The following ANKRD30B variants were observed in gnomAD, a reference collection of about 807,000 sequenced individuals.
The protein encoded by ANKRD30B is ankyrin repeat domain-containing protein 30B.
ANKRD30B carries 144 observed loss-of-function variants against 202.2 expected under a neutral mutation model. The ratio of observed to expected loss-of-function variants is 0.71; its 90% CI spans 0.62 to 0.82. The LOEUF (loss-of-function observed/expected upper bound fraction) is 0.82, where lower values mean the gene tolerates loss of function less well. Among genes scored for constraint, ANKRD30B ranks in the 40% least tolerant of loss-of-function variants. The pLI is 0.00. For synonymous variants in ANKRD30B, 508 were observed against 561.3 expected, an observed-to-expected ratio of 0.91 and a Z score of 1.34; for missense variants, 1,487 against 1,669.1, an observed-to-expected ratio of 0.89 and a Z score of 1.90.
the ANKRD30B span, among the ~76,000 whole-genome samples, chr18:14,885,146 G>C: frequency 2.0e-5 from 3 of 152,084 alleles, no homozygotes; most frequent in Non-Finnish European, 4.4e-5. Context: ...GATGTATTCT[G>C]ATTGGCCAGT....
At chr18:14,792,746 A>G (rs1367611003) in intron 16 of ANKRD30B, among the ~76,000 whole-genome samples, 10 of 134,562 alleles carry the variant, frequency 7.4e-5, no homozygotes, top group East Asian at 2.2e-4. Context: ...ATATATATAT[A>G]TATGTATATA....
Position 14,748,354 on chromosome 18 carries a change from C to G in ANKRD30B, c.-66C>G, listed in dbSNP as rs1912803575. The G allele has an allele frequency of 5.4e-6, 7 of 1,300,954 alleles. No individual in the cohort carries two copies. The highest frequency in any genetic ancestry group is 3.1e-5 in the African/African-American group (2 of 63,746). The allele number at this position is 1,300,954 out of a possible 1,614,324, so 80.6% of individuals were successfully genotyped here. A position where few individuals can be genotyped will look rare whatever the true frequency, so the allele number is the denominator to read the frequency against. On this transcript the variant is annotated 5_prime_UTR_variant, in exon 1 of 44. Coordinates refer to ENST00000690538, the MANE Select transcript of ANKRD30B (RefSeq NM_001367607.2). ...GGGAAGGGTAAGCGGGAAGCGAGGG[C>G]GAGGGGTAGGGGCTGGGGAAGGGCG...
chr18:14,931,199 A>T, the ANKRD30B span, among the ~76,000 whole-genome samples: 1 of 152,296 alleles, frequency 6.6e-6, no homozygotes, highest in African/African-American at 2.4e-5. Flanking sequence ...ATGACAGCTC[A>T]CCATTGACTC....
At chr18:14,868,734 C>T in the ANKRD30B span, among the ~76,000 whole-genome samples, 1 of 152,292 alleles carries the variant, frequency 6.6e-6, no homozygotes, top group African/African-American at 2.4e-5. Flanking sequence ...CCCACTTCTT[C>T]AGCCCACCTG....
chr18:14,837,959 G>A (rs1244085011), intron 36 of ANKRD30B, among the ~76,000 whole-genome samples: 1 of 152,078 alleles, frequency 6.6e-6, no homozygotes, highest in Non-Finnish European at 1.5e-5. Context: ...GAGCTTGCAG[G>A]GAGCCCAGAT....
intron 30 of ANKRD30B, among the ~76,000 whole-genome samples, chr18:14,815,870 T>C (rs1489621769): frequency 1.3e-5 from 2 of 152,180 alleles, no homozygotes; most frequent in African/African-American, 4.8e-5. Flanking sequence ...TTGAGATGGC[T>C]AAGCTACAAA....
At chr18:14,756,389 G>A (rs1365999781) in intron 4 of ANKRD30B, among the ~76,000 whole-genome samples, 3 of 152,112 alleles carry the variant, frequency 2.0e-5, no homozygotes, top group African/African-American at 7.2e-5. Flanking sequence ...CTTTTGCTGT[G>A]CAGAAGCTCT....
At chr18:14,831,315 T>C (rs1970928130) in intron 33 of ANKRD30B, 68 bp from the exon 34 acceptor site, 32 of 1,097,988 alleles carry the variant, frequency 2.9e-5, no homozygotes, top group Non-Finnish European at 4.0e-5. Context: ...AGCACTAAGA[T>C]ATGAACTGGC....
At chr18:14,784,439 C>A (rs748416609) in intron 13 of ANKRD30B, 24 bp from the exon 14 acceptor site, 9 of 1,612,652 alleles carry the variant, frequency 5.6e-6, no homozygotes, top group Non-Finnish European at 7.6e-6. Context: ...CTTTATTGAT[C>A]ATTTTTCTTC....
At chr18:14,844,982 G>T (rs556981863) in intron 39 of ANKRD30B, among the ~76,000 whole-genome samples, 3 of 151,858 alleles carry the variant, frequency 2.0e-5, no homozygotes, top group Non-Finnish European at 4.4e-5. Flanking sequence ...TCTGGATTTA[G>T]CCCTTTGTCA....
intron 30 of ANKRD30B, among the ~76,000 whole-genome samples, chr18:14,820,768 T>A (rs1970373235): frequency 6.6e-6 from 1 of 152,152 alleles, no homozygotes; most frequent in African/African-American, 2.4e-5. Flanking sequence ...ATTTTGCCAG[T>A]ATTTTATTGA....
At chr18:14,853,604 G>A (rs1971978174) in intron 42 of ANKRD30B, among the ~76,000 whole-genome samples, 1 of 151,206 alleles carries the variant, frequency 6.6e-6, no homozygotes, top group Non-Finnish European at 1.5e-5. Flanking sequence ...GAAATTACCA[G>A]TGAGATGAAT....
the ANKRD30B span, among the ~76,000 whole-genome samples, chr18:14,904,326 G>A: frequency 6.6e-6 from 1 of 152,248 alleles, no homozygotes; most frequent in Non-Finnish European, 1.5e-5. Flanking sequence ...ATGGGAATGA[G>A]CCTGGCTCCT....
the ANKRD30B span, among the ~76,000 whole-genome samples, chr18:14,869,896 C>G: frequency 2.0e-5 from 3 of 151,794 alleles, no homozygotes; most frequent in African/African-American, 7.3e-5. Context: ...GTGCAGTGGC[C>G]TGACCTTGGC....
chr18:14,826,693 T>TCTCTCTCTCA (rs762792279), intron 32 of ANKRD30B, among the ~76,000 whole-genome samples: 3 of 124,968 alleles, frequency 2.4e-5, no homozygotes, highest in Admixed American at 9.0e-5. Flanking sequence ...TCTCTCTCTC[T>TCTCTCTCTCA]CACACACACA....
At chr18:14,939,789 G>A in the ANKRD30B span, among the ~76,000 whole-genome samples, 1 of 152,214 alleles carries the variant, frequency 6.6e-6, no homozygotes. Flanking sequence ...AAAGCTGAGT[G>A]GCAGATAAAG....
chr18:14,890,636 T>C, the ANKRD30B span, among the ~76,000 whole-genome samples: 2 of 150,244 alleles, frequency 1.3e-5, no homozygotes, highest in Non-Finnish European at 3.0e-5. Flanking sequence ...ATATAATTAC[T>C]TTTCTATTTG....
the ANKRD30B span, among the ~76,000 whole-genome samples, chr18:14,887,259 C>T: frequency 0.017 from 2,582 of 152,106 alleles, 79 homozygotes; most frequent in African/African-American, 0.059. Context: ...CCCCTTATTC[C>T]TAACTGTATC....
chr18:14,940,962 T>C, the ANKRD30B span, among the ~76,000 whole-genome samples: 5 of 152,032 alleles, frequency 3.3e-5, no homozygotes. Context: ...GAAACTCAAA[T>C]AGAGCTCCCC....
Sources: gnomAD v4.1 joint callset for allele counts (sites outside exome capture counted in the v4.1 genomes callset) on GRCh38, gnomAD v4.1.1 for gene constraint, MANE v1.5 for transcripts, NCBI Gene and HGNC (gene_info 2026-07-23, HGNC 2026-07-21) for gene names.